The following TBL1Y variants were observed in gnomAD, a reference collection of about 807,000 sequenced individuals.
TBL1Y encodes transducin beta like 1 Y-linked, also known as F-box-like/WD repeat-containing protein TBL1Y.
TBL1Y carries 15 observed loss-of-function variants against 12.0 expected under a neutral mutation model. The observed-to-expected ratio is 1.25, with a 90% CI of 0.83 to 1.92. The LOEUF (loss-of-function observed/expected upper bound fraction) is 1.92. TBL1Y is among the 40% of genes most tolerant of loss of function. The pLI is 0.00. For synonymous variants in TBL1Y, 53 were observed against 42.6 expected (o/e 1.24, Z -0.95); for missense variants, 148 against 116.7 (o/e 1.27, Z -1.24).
chrY:6,964,394 A>G, intron 2 of TBL1Y, among the ~76,000 whole-genome samples: 1 of 33,910 alleles, frequency 2.9e-5, no homozygotes, highest in South Asian at 6.6e-4. Flanking sequence ...AAAGAAGGGC[A>G]GGCAGATCCT....
chrY:7,021,341 G>A, intron 4 of TBL1Y, 108 bp from the exon 5 acceptor site: 1 of 32,963 alleles, frequency 3.0e-5, no homozygotes, highest in Non-Finnish European at 7.4e-5. Flanking sequence ...GATGTGTTAA[G>A]TTTGAGTTAG....
intron 2 of TBL1Y, among the ~76,000 whole-genome samples, chrY:6,957,421 C>T: frequency 2.9e-5 from 1 of 34,258 alleles, no homozygotes; most frequent in Non-Finnish European, 7.3e-5. Flanking sequence ...GTGTCTCTCA[C>T]GACAAGGAGG....
intron 2 of TBL1Y, among the ~76,000 whole-genome samples, chrY:6,946,675 T>A (rs759121961): frequency 1.6e-3 from 55 of 33,392 alleles, no homozygotes; most frequent in Admixed American, 0.013. Flanking sequence ...GCCAGGCTGG[T>A]TTTGAACTCC....
At chrY:7,061,845 G>T in intron 7 of TBL1Y, among the ~76,000 whole-genome samples, 2 of 31,243 alleles carry the variant, frequency 6.4e-5, no homozygotes, top group African/African-American at 2.5e-4. Context: ...CAAAGCCAAT[G>T]CCTGCCCCCC....
At position 6,977,615 on chromosome Y, in the gene TBL1Y, C is replaced by T. The variant is rs543564811; in HGVS notation, c.-265-598C>T. Among the ~76,000 whole-genome samples the T allele has an allele frequency of 5.5e-3, 184 of 33,177 alleles. No homozygotes were observed. The South Asian group carries it at 0.12, about 22-fold the overall frequency. 89.0% of individuals were successfully genotyped at this position (33,177 alleles called of 37,273 possible). A position where few individuals can be genotyped will look rare whatever the true frequency, so the allele number is the denominator to read the frequency against. ...CATCATTAGGACATTTGACACCCCC[C>T]ACCTATCACCTTTTTAAAACATTTC... On this transcript the variant is annotated intron_variant, in intron 2 of 18. Coordinates refer to ENST00000383032, the MANE Select transcript of TBL1Y (RefSeq NM_033284.2).
intron 7 of TBL1Y, 144 bp from the exon 8 acceptor site, chrY:7,063,753 C>T: frequency 7.0e-5 from 13 of 184,566 alleles, no homozygotes; most frequent in South Asian, 5.7e-4. Context: ...AGGGTCTATG[C>T]TACTTCCCCC....
chrY:7,087,483 C>T, intron 17 of TBL1Y, 51 bp downstream of exon 17: 1 of 371,333 alleles, frequency 2.7e-6, no homozygotes, highest in Non-Finnish European at 3.8e-6. Flanking sequence ...CCTGAACAGC[C>T]ACTATTCCAG....
chrY:7,086,010 C>T, intron 15 of TBL1Y, 38 bp downstream of exon 15: 1 of 375,995 alleles, frequency 2.7e-6, no homozygotes, highest in Non-Finnish European at 3.8e-6. Flanking sequence ...TGTTTAATCT[C>T]AGACAGCCTT....
Position 7,042,979 on chromosome Y carries a change from G to C in TBL1Y, c.59-1G>C. On this transcript the variant is annotated splice_acceptor_variant, in intron 6 of 18. Coordinates refer to ENST00000383032, the MANE Select transcript of TBL1Y (RefSeq NM_033284.2). LOFTEE classifies it high-confidence loss of function. Reference sequence around the variant, plus strand: ...ACGTCAGCTTTCCTCTCTTGCCGCAGGTTTTTCTCACTCGGCTTTCACGTT... The same window carrying C: ...ACGTCAGCTTTCCTCTCTTGCCGCACGTTTTTCTCACTCGGCTTTCACGTT... 2.5e-6 allele frequency: 1 copy of C among 398,505 alleles called. No individual in the cohort carries two copies. Among genetic ancestry groups the C allele is most frequent in the Non-Finnish European group, 3.5e-6 (1 of 283,647 alleles).
chrY:7,082,159 G>A (rs2013102738), intron 14 of TBL1Y, among the ~76,000 whole-genome samples: 1 of 32,455 alleles, frequency 3.1e-5, no homozygotes, highest in African/African-American at 1.2e-4. Flanking sequence ...GAGAAGCTCA[G>A]GAAATCTCAA....
chrY:7,072,483 T>C (rs532837670), intron 12 of TBL1Y, among the ~76,000 whole-genome samples: 117 of 34,360 alleles, frequency 3.4e-3, no homozygotes, highest in African/African-American at 0.012. Context: ...AGGCCTGCAC[T>C]GCCTGAACTT....
intron 2 of TBL1Y, among the ~76,000 whole-genome samples, chrY:6,952,728 G>C: frequency 3.0e-5 from 1 of 33,255 alleles, no homozygotes; most frequent in Non-Finnish European, 7.4e-5. Flanking sequence ...TATGATGTTA[G>C]CTGTTTATTT....
chrY:7,067,987 C>G, intron 8 of TBL1Y, among the ~76,000 whole-genome samples: 2 of 33,182 alleles, frequency 6.0e-5, no homozygotes, highest in African/African-American at 1.2e-4. Flanking sequence ...CCAACAAACT[C>G]TCACACCAGA....
intron 7 of TBL1Y, among the ~76,000 whole-genome samples, chrY:7,051,684 T>G: frequency 3.0e-5 from 1 of 33,760 alleles, no homozygotes; most frequent in African/African-American, 1.1e-4. Context: ...TCTGGCACAT[T>G]TTCTATACAG....
chrY:7,087,472 G>T (rs1037797960), intron 17 of TBL1Y, 40 bp downstream of exon 17: 1 of 372,738 alleles, frequency 2.7e-6, no homozygotes, highest in African/African-American at 6.7e-5. Context: ...AGTAAGGGAT[G>T]CCTGAACAGC....
intron 3 of TBL1Y, among the ~76,000 whole-genome samples, chrY:6,984,424 A>C: frequency 3.0e-5 from 1 of 33,322 alleles, no homozygotes; most frequent in Non-Finnish European, 7.4e-5. Flanking sequence ...TGTCCCACCC[A>C]AGTCGGTTGT....
intron 6 of TBL1Y, among the ~76,000 whole-genome samples, chrY:7,036,517 G>C (rs2012694862): frequency 8.9e-5 from 3 of 33,615 alleles, no homozygotes; most frequent in African/African-American, 3.5e-4. Context: ...GGTGGGCAGG[G>C]GGTGACAAGG....
chrY:6,946,426 A>G (rs2124106948), intron 2 of TBL1Y, among the ~76,000 whole-genome samples: 2 of 33,157 alleles, frequency 6.0e-5, no homozygotes, highest in African/African-American at 2.4e-4. Flanking sequence ...TCCTAAAGAC[A>G]TGTGCCCAAG....
intron 2 of TBL1Y, among the ~76,000 whole-genome samples, chrY:6,974,484 C>T (rs2012226064): frequency 2.9e-5 from 1 of 34,279 alleles, no homozygotes; most frequent in African/African-American, 1.1e-4. Context: ...GTCCACAGGC[C>T]CACTGGGCAT....
Sources: gnomAD v4.1 joint callset for allele counts (sites outside exome capture counted in the v4.1 genomes callset) on GRCh38, gnomAD v4.1.1 for gene constraint, MANE v1.5 for transcripts, NCBI Gene and HGNC (gene_info 2026-07-23, HGNC 2026-07-21) for gene names.